The following PTPRG variants were observed in gnomAD, a reference collection of about 807,000 sequenced individuals.
The protein encoded by PTPRG is receptor-type tyrosine-protein phosphatase gamma.
PTPRG carries 102 observed loss-of-function variants against 165.3 expected under a neutral mutation model. The observed-to-expected ratio is 0.62, with a 90% CI of 0.53 to 0.73. The LOEUF (loss-of-function observed/expected upper bound fraction) is 0.73. Among genes scored for constraint, PTPRG ranks in the 30% least tolerant of loss-of-function variants. The pLI, the probability that PTPRG is intolerant of heterozygous loss-of-function variation, is 0.00. For missense variants in PTPRG, 1,866 were observed against 1,861.4 expected (o/e 1.00, Z -0.05); for synonymous variants, 675 against 669.5 (o/e 1.01, Z -0.13).
intron 2 of PTPRG, among the ~76,000 whole-genome samples, chr3:61,915,442 G>A (rs547912285): frequency 2.5e-3 from 379 of 152,302 alleles, no homozygotes; most frequent in African/African-American, 8.9e-3. Flanking sequence ...CAGTGGAGGG[G>A]TAGTTGAGCT....
chr3:61,816,960 G>C (rs576381229), intron 2 of PTPRG, among the ~76,000 whole-genome samples: 2 of 138,608 alleles, frequency 1.4e-5, no homozygotes, highest in African/African-American at 5.4e-5. Flanking sequence ...GTACCTGAGA[G>C]TTTCAGTAAT....
At chr3:61,724,828 G>C (rs1559575944) in intron 1 of PTPRG, among the ~76,000 whole-genome samples, 1 of 150,966 alleles carries the variant, frequency 6.6e-6, no homozygotes, top group African/African-American at 2.4e-5. Context: ...TCTTTTTACT[G>C]TTGAGTTTTG....
At position 62,072,874 on chromosome 3, in the gene PTPRG, A is replaced by T. The variant is rs75228573; in HGVS notation, c.520-5289A>T. On this transcript the variant is annotated intron_variant, in intron 4 of 29. Transcript: ENST00000474889. ...TGAGTTAAAGTTACTAAGTCTTCGA[A>T]TAACCTTTGAACCAGGACTTAAATG... 2.0e-3 allele frequency among the ~76,000 whole-genome samples: 298 copies of T among 152,274 alleles called. 4 individuals carry two copies. Among genetic ancestry groups the T allele is most frequent in the South Asian group, 0.012 (56 of 4,816 alleles).
chr3:61,871,256 C>T (rs1234125335), intron 2 of PTPRG, among the ~76,000 whole-genome samples: 4 of 151,632 alleles, frequency 2.6e-5, no homozygotes, highest in Non-Finnish European at 4.4e-5. Context: ...AAGACAGGGT[C>T]TTGGTCTGTC....
chr3:61,760,877 G>A (rs1026937137), intron 2 of PTPRG, among the ~76,000 whole-genome samples: 2 of 152,132 alleles, frequency 1.3e-5, no homozygotes, highest in African/African-American at 4.8e-5. Context: ...TTAGTTTGCT[G>A]AGGATGATGG....
chr3:62,265,833 T>TATAC (rs760264940), intron 17 of PTPRG, among the ~76,000 whole-genome samples: 5 of 138,994 alleles, frequency 3.6e-5, no homozygotes, highest in East Asian at 2.0e-4. Context: ...GTGCCTTATA[T>TATAC]ATACATACAT....
chr3:62,225,453 A>G (rs1327950562), intron 13 of PTPRG, among the ~76,000 whole-genome samples: 2 of 152,142 alleles, frequency 1.3e-5, no homozygotes, highest in Non-Finnish European at 2.9e-5. Context: ...GTAGAATAGC[A>G]TAGCTATTAA....
intron 2 of PTPRG, among the ~76,000 whole-genome samples, chr3:61,916,514 C>CA (rs1045922732): frequency 2.0e-5 from 3 of 152,110 alleles, no homozygotes; most frequent in African/African-American, 7.2e-5. Context: ...ATCTCACTGT[C>CA]AAATTAGGCA....
At chr3:62,267,586 C>G in intron 18 of PTPRG, 94 bp downstream of exon 18, 4 of 1,533,330 alleles carry the variant, frequency 2.6e-6, no homozygotes, top group Non-Finnish European at 3.6e-6. Context: ...AGAGCTTTCA[C>G]TAAAAACAAA....
chr3:62,172,420 CA>C, intron 8 of PTPRG, among the ~76,000 whole-genome samples: 1 of 152,158 alleles, frequency 6.6e-6, no homozygotes, highest in East Asian at 1.9e-4. Context: ...TGTTATTGTG[CA>C]TCTCTTTTAT....
intron 2 of PTPRG, among the ~76,000 whole-genome samples, chr3:61,829,239 C>T (rs1235989911): frequency 6.6e-6 from 1 of 152,224 alleles, no homozygotes; most frequent in Non-Finnish European, 1.5e-5. Flanking sequence ...GAGAGAGCCT[C>T]GCTGAGCCCT....
chr3:61,692,436 T>C (rs931609860), intron 1 of PTPRG, among the ~76,000 whole-genome samples: 10 of 152,248 alleles, frequency 6.6e-5, no homozygotes, highest in Non-Finnish European at 1.2e-4. Context: ...TTGGTAGATA[T>C]TAGCTGCTAT....
At chr3:62,092,439 G>GGAAAA (rs369183881) in intron 5 of PTPRG, among the ~76,000 whole-genome samples, 2 of 89,432 alleles carry the variant, frequency 2.2e-5, no homozygotes, top group African/African-American at 5.0e-5. Context: ...GAGTCCATCT[G>GGAAAA]AAAAAAAAAA....
At chr3:61,621,051 A>ATATATATATGTGTGTG in intron 1 of PTPRG, among the ~76,000 whole-genome samples, 33 of 117,994 alleles carry the variant, frequency 2.8e-4, no homozygotes, top group African/African-American at 8.9e-4. Context: ...ATATATATAT[A>ATATATATATGTGTGTG]TGTGTGTGTG....
intron 5 of PTPRG, among the ~76,000 whole-genome samples, chr3:62,122,026 C>T (rs1703093490): frequency 6.6e-6 from 1 of 152,162 alleles, no homozygotes; most frequent in Non-Finnish European, 1.5e-5. Context: ...TAATCTATGT[C>T]CTCCTCGAGA....
intron 1 of PTPRG, among the ~76,000 whole-genome samples, chr3:61,707,817 C>G (rs1575601548): frequency 6.6e-6 from 1 of 152,144 alleles, no homozygotes; most frequent in Non-Finnish European, 1.5e-5. Flanking sequence ...GAGACAGGGT[C>G]TCCCTTTGTT....
chr3:61,931,681 A>G (rs1333102770), intron 2 of PTPRG, among the ~76,000 whole-genome samples: 2 of 152,196 alleles, frequency 1.3e-5, no homozygotes, highest in African/African-American at 4.8e-5. Flanking sequence ...AACTGAGTCT[A>G]TGTTGTTTAC....
chr3:61,878,280 A>G (rs1314866354), intron 2 of PTPRG, among the ~76,000 whole-genome samples: 2 of 152,298 alleles, frequency 1.3e-5, no homozygotes, highest in East Asian at 1.9e-4. Context: ...TCCCCACACA[A>G]TAGCGATAGT....
At chr3:61,758,712 C>T (rs973371773) in intron 2 of PTPRG, among the ~76,000 whole-genome samples, 5 of 152,078 alleles carry the variant, frequency 3.3e-5, no homozygotes, top group African/African-American at 1.2e-4. Context: ...CTCAGCCTCC[C>T]AAAGTGCCAC....
Sources: allele counts gnomAD v4.1 joint callset (sites outside exome capture counted in the v4.1 genomes callset), GRCh38; gene constraint gnomAD v4.1.1; transcripts MANE v1.5; gene names NCBI Gene and HGNC (gene_info 2026-07-23, HGNC 2026-07-21).